Variants in IRAG2 observed in about 807,000 individuals in gnomAD.
The protein encoded by IRAG2 is inositol 1,4,5-triphosphate receptor associated 2, also known as lymphoid restricted membrane protein.
A neutral mutation model predicts 69.9 loss-of-function variants in IRAG2; 45 were observed. The observed-to-expected ratio is 0.64, with a 90% CI of 0.51 to 0.83. The LOEUF (loss-of-function observed/expected upper bound fraction) is 0.83. IRAG2 is among the 40% of genes least tolerant of loss of function. The pLI, the probability that IRAG2 is intolerant of heterozygous loss-of-function variation, is 0.00. For missense variants in IRAG2, 520 were observed against 587.0 expected, an observed-to-expected ratio of 0.89 and a Z score of 1.18; for synonymous variants, 193 against 202.4, an observed-to-expected ratio of 0.95 and a Z score of 0.40.
chr12:25,023,731 A>C (rs1044568535), intron 7 of IRAG2: 2 of 424,176 alleles, frequency 4.7e-6, no homozygotes, highest in Admixed American at 8.9e-5. Flanking sequence ...CACATTGAAA[A>C]TATTTTCAGA....
chr12:25,074,923 T>A (rs1441377908), intron 6 of IRAG2, among the ~76,000 whole-genome samples: 1 of 152,228 alleles, frequency 6.6e-6, no homozygotes, highest in Non-Finnish European at 1.5e-5. Context: ...CTGGCTATTG[T>A]CTGTCCTGTT....
At chr12:25,105,872 C>A (rs1949059581) in intron 20 of IRAG2, among the ~76,000 whole-genome samples, 1 of 152,120 alleles carries the variant, frequency 6.6e-6, no homozygotes, top group South Asian at 2.1e-4. Context: ...CTTTGAGACA[C>A]ATTTCCCTTT....
intron 16 of IRAG2, among the ~76,000 whole-genome samples, chr12:25,038,982 C>T (rs140257104): frequency 1.2e-4 from 18 of 152,116 alleles, no homozygotes; most frequent in Non-Finnish European, 2.2e-4. Flanking sequence ...ATAACTTACC[C>T]TCTTATCCTT....
chr12:25,085,732 GC>G (rs994786078), intron 10 of IRAG2, among the ~76,000 whole-genome samples: 16 of 140,248 alleles, frequency 1.1e-4, no homozygotes, highest in Non-Finnish European at 5.9e-5. Flanking sequence ...GCACTTCCCT[GC>G]CCACCTCCCA....
intron 9 of IRAG2, among the ~76,000 whole-genome samples, chr12:25,028,240 A>G (rs949862385): frequency 6.6e-6 from 1 of 151,964 alleles, no homozygotes; most frequent in Non-Finnish European, 1.5e-5. Context: ...TCTACGTTTA[A>G]CCTTTTAAGG....
intron 9 of IRAG2, among the ~76,000 whole-genome samples, chr12:25,081,391 G>T (rs1482495443): frequency 6.6e-6 from 1 of 152,226 alleles, no homozygotes; most frequent in Non-Finnish European, 1.5e-5. Context: ...GTGAACCCGG[G>T]AGGCGGAGCT....
At chr12:25,023,883 C>T (rs928650958) in exon 8 of IRAG2, 10 of 1,227,086 alleles carry the variant, frequency 8.1e-6, no homozygotes, top group Admixed American at 4.2e-5. Flanking sequence ...GACAGAAAAC[C>T]GGGCTCTGAT....
chr12:25,040,908 T>C (rs1944743174), intron 16 of IRAG2, among the ~76,000 whole-genome samples: 1 of 152,220 alleles, frequency 6.6e-6, no homozygotes, highest in East Asian at 1.9e-4. Context: ...TAGTAAAGGA[T>C]GCAAATAACA....
intron 3 of IRAG2, chr12:25,015,088 GAAAAAAAAAAAA>G: frequency 1.4e-4 from 7 of 50,892 alleles, no homozygotes; most frequent in Non-Finnish European, 1.9e-4. Flanking sequence ...GCATAAATCT[GAAAAAAAAAAAA>G]AAAAAAAAAA....
the IRAG2 span, among the ~76,000 whole-genome samples, chr12:24,999,085 A>G: frequency 1.3e-5 from 2 of 152,220 alleles, no homozygotes; most frequent in Admixed American, 1.3e-4. Flanking sequence ...AGATGTTGAT[A>G]AACACAAATT....
At position 25,079,643 on chromosome 12, in the gene IRAG2, C is replaced by A; in HGVS notation, c.137-13C>A. 6.5e-7 allele frequency: 1 copy of A among 1,528,302 alleles called. No homozygotes were observed. Among genetic ancestry groups the A allele is most frequent in the Non-Finnish European group, 9.1e-7 (1 of 1,101,882 alleles). The allele number at this position is 1,528,302 out of a possible 1,614,324, so 94.7% of individuals were successfully genotyped here. A position where few individuals can be genotyped will look rare whatever the true frequency, so the allele number is the denominator to read the frequency against. ...TGCATAGTATTCGCACCATTTGTTTCTCCTGTTGACAGATCCTGGATTAGA... is the reference window on the plus strand; with the variant it reads ...TGCATAGTATTCGCACCATTTGTTTATCCTGTTGACAGATCCTGGATTAGA... On this transcript the variant is annotated splice_polypyrimidine_tract_variant and intron_variant, in intron 8 of 21. Coordinates refer to ENST00000556887, the MANE Select transcript of IRAG2 (RefSeq NM_001366544.2).
At chr12:25,062,527 T>C (rs1221526308) in intron 2 of IRAG2, among the ~76,000 whole-genome samples, 3 of 152,258 alleles carry the variant, frequency 2.0e-5, no homozygotes, top group Non-Finnish European at 4.4e-5. Context: ...TTCACTACTC[T>C]GAGTTGCATC....
chr12:25,093,484 C>G (rs973184243), intron 14 of IRAG2: 3 of 152,806 alleles, frequency 2.0e-5, no homozygotes, highest in Non-Finnish European at 1.5e-5. Flanking sequence ...ACATCACTTT[C>G]TTCAGTGCTT....
chr12:25,093,426 T>G (rs538608920), intron 14 of IRAG2: 1 of 153,138 alleles, frequency 6.5e-6, no homozygotes, highest in African/African-American at 2.4e-5. Flanking sequence ...TGGAATAGCC[T>G]CGTGTTGTTG....
chr12:25,050,175 T>C (rs1158060939), upstream of IRAG2, among the ~76,000 whole-genome samples: 1 of 151,044 alleles, frequency 6.6e-6, no homozygotes, highest in Admixed American at 6.6e-5. Flanking sequence ...GGTGAGGATG[T>C]AGAGATATTG....
intron 5 of IRAG2, among the ~76,000 whole-genome samples, chr12:25,068,576 T>C (rs1281831961): frequency 2.0e-5 from 3 of 152,112 alleles, no homozygotes; most frequent in East Asian, 1.9e-4. Context: ...AAACCACAGA[T>C]TGGTTCCCCT....
chr12:25,106,810 T>G, intron 20 of IRAG2, 133 bp from the exon 21 acceptor site: 1 of 369,844 alleles, frequency 2.7e-6, no homozygotes, highest in Non-Finnish European at 5.0e-6. Flanking sequence ...GAGTTAGATA[T>G]TTATCGACTT....
At chr12:25,052,554 TGAAAGAGGCGACTCTGCA>T (rs1461110886), upstream of IRAG2, 2 of 396,968 alleles carry the variant, frequency 5.0e-6, no homozygotes, top group Non-Finnish European at 8.9e-6. Context: ...AGCCTGCTGA[TGAAAGAGGCGACTCTGCA>T]GAAAGAGGCA....
chr12:25,079,907 T>C (rs1947080971), intron 9 of IRAG2, 144 bp downstream of exon 9: 2 of 581,368 alleles, frequency 3.4e-6, no homozygotes, highest in Non-Finnish European at 6.0e-6. Flanking sequence ...ATTTTGAAGA[T>C]ATAGTCTGCA....
Sources: gnomAD v4.1 joint callset for allele counts (sites outside exome capture counted in the v4.1 genomes callset) on GRCh38, gnomAD v4.1.1 for gene constraint, MANE v1.5 for transcripts, NCBI Gene and HGNC (gene_info 2026-07-23, HGNC 2026-07-21) for gene names.